Variants in PUS10 observed in about 807,000 individuals in gnomAD.
The protein encoded by PUS10 is tRNA pseudouridine synthase Pus10.
Under a neutral mutation model 75.0 loss-of-function variants are expected in PUS10, and 59 were observed. The ratio of observed to expected loss-of-function variants is 0.79; its 90% CI spans 0.64 to 0.98. PUS10 has a LOEUF of 0.98. Ranked by LOEUF, PUS10 falls within the 50% of genes least tolerant of loss-of-function variation. The pLI is 0.00. For missense variants in PUS10, 650 were observed against 614.4 expected, an observed-to-expected ratio of 1.06 and a Z score of -0.61; for synonymous variants, 219 against 211.6, an observed-to-expected ratio of 1.03 and a Z score of -0.30.
At chr2:60,988,739 G>A (rs1286126302) in intron 4 of PUS10, among the ~76,000 whole-genome samples, 1 of 151,974 alleles carries the variant, frequency 6.6e-6, no homozygotes, top group Non-Finnish European at 1.5e-5. Context: ...GGGTTCAGGT[G>A]ATTCTCCTGC....
chr2:60,956,974 CAAAAAAAA>C (rs56804354), intron 11 of PUS10, among the ~76,000 whole-genome samples: 13 of 19,248 alleles, frequency 6.8e-4, no homozygotes, highest in Non-Finnish European at 9.0e-4. Context: ...GACTCCATCT[CAAAAAAAA>C]AAAAAAAAAA....
chr2:60,960,883 C>T (rs1407720409), intron 10 of PUS10, among the ~76,000 whole-genome samples: 2 of 145,546 alleles, frequency 1.4e-5, no homozygotes, highest in East Asian at 2.0e-4. Flanking sequence ...CTTGCTTTTA[C>T]ACCTGATGAG....
In PUS10 at chr2:60,941,076, TAAAA is replaced by T. The variant is rs1674605719; in HGVS notation, c.*1315_*1318del. On this transcript the variant is annotated 3_prime_UTR_variant, in exon 18 of 18. Coordinates refer to ENST00000316752, the MANE Select transcript of PUS10 (RefSeq NM_144709.4). ...ATACTAGTCAAGTCACATGTATTCT[TAAAA>T]AAAGCTCAAATAGTTGAATTAGGGT... 1 of 152,274 alleles carries T rather than the reference TAAAA, an allele frequency of 6.6e-6. No homozygotes were observed. The highest frequency in any genetic ancestry group is 6.5e-5 in the Admixed American group (1 of 15,268). 9.4% of individuals were successfully genotyped at this position (152,274 alleles called of 1,614,324 possible).
intron 4 of PUS10, among the ~76,000 whole-genome samples, chr2:61,002,904 A>T (rs1349436468): frequency 6.6e-6 from 1 of 152,106 alleles, no homozygotes; most frequent in Non-Finnish European, 1.5e-5. Flanking sequence ...TACCGCCTTT[A>T]TTTATTCTAC....
intron 15 of PUS10, among the ~76,000 whole-genome samples, chr2:60,949,125 G>A (rs1334202937): frequency 6.6e-6 from 1 of 152,076 alleles, no homozygotes; most frequent in Non-Finnish European, 1.5e-5. Context: ...GTGAGTCAAT[G>A]GCTCCTCCTA....
intron 15 of PUS10, among the ~76,000 whole-genome samples, chr2:60,949,322 G>C (rs1675189164): frequency 6.6e-6 from 1 of 152,086 alleles, no homozygotes; most frequent in Non-Finnish European, 1.5e-5. Context: ...GAAACAGCAG[G>C]CCTTTAAATT....
intron 4 of PUS10, among the ~76,000 whole-genome samples, chr2:60,990,540 T>G (rs909163181): frequency 3.9e-5 from 6 of 152,096 alleles, no homozygotes; most frequent in African/African-American, 1.2e-4. Context: ...ACGAGAACAG[T>G]CCTTAAAGGT....
intron 15 of PUS10, among the ~76,000 whole-genome samples, chr2:60,950,697 G>A (rs1021648719): frequency 6.6e-6 from 1 of 152,190 alleles, no homozygotes; most frequent in African/African-American, 2.4e-5. Context: ...GGGATTACAG[G>A]TGTAAGCCAC....
chr2:60,973,129 C>G (rs932957012), intron 4 of PUS10, among the ~76,000 whole-genome samples: 1 of 152,222 alleles, frequency 6.6e-6, no homozygotes, highest in African/African-American at 2.4e-5. Flanking sequence ...AAGCCTCCGT[C>G]CCGGCCTCAA....
intron 4 of PUS10, among the ~76,000 whole-genome samples, chr2:60,993,205 C>A (rs116244493): frequency 1.3e-5 from 2 of 152,044 alleles, no homozygotes; most frequent in Non-Finnish European, 2.9e-5. Context: ...ACCTGTAATC[C>A]GAGGACTTTG....
In PUS10 at chr2:60,978,148, C is replaced by T. The variant is rs1333468227; in HGVS notation, c.469-6591G>A. ...ACTTACAATTCACAGGGCAGGCCGG[C>T]TTGGGGCTCCCGCCTATAATCCCAG... On this transcript the variant is annotated intron_variant, in intron 4 of 17. Coordinates refer to ENST00000316752, the MANE Select transcript of PUS10 (RefSeq NM_144709.4). 7.9e-5 allele frequency among the ~76,000 whole-genome samples: 12 copies of T among 151,906 alleles called. 1 individual carries two copies. The highest frequency in any genetic ancestry group is 7.9e-4 in the Admixed American group (12 of 15,258).
At chr2:61,010,579 C>A (rs531965704) in intron 2 of PUS10, 61 of 431,366 alleles carry the variant, frequency 1.4e-4, no homozygotes, top group Non-Finnish European at 2.1e-4. Flanking sequence ...CCCGCCTCGG[C>A]CTCCCAAAGT....
At chr2:60,977,472 C>A (rs1466006657) in intron 4 of PUS10, among the ~76,000 whole-genome samples, 1 of 152,134 alleles carries the variant, frequency 6.6e-6, no homozygotes, top group Non-Finnish European at 1.5e-5. Context: ...TACGTATAGG[C>A]CAAGACTCGC....
At chr2:60,968,616 A>G (rs1676482954) in intron 5 of PUS10, among the ~76,000 whole-genome samples, 2 of 151,638 alleles carry the variant, frequency 1.3e-5, no homozygotes, top group African/African-American at 4.8e-5. Context: ...GTTGATCAGA[A>G]AAAAAAAAGA....
At chr2:60,961,907 A>G (rs1676049614) in intron 9 of PUS10, among the ~76,000 whole-genome samples, 1 of 152,248 alleles carries the variant, frequency 6.6e-6, no homozygotes, top group Non-Finnish European at 1.5e-5. Context: ...TTTGCTGTCC[A>G]TGGTCATGTG....
At position 60,955,043 on chromosome 2, in the gene PUS10, A is replaced by G. The variant is rs749490317; in HGVS notation, c.1032T>C (p.Asp344=). The G allele has an allele frequency of 9.4e-6, 15 of 1,597,772 alleles. No homozygotes were observed. In the Admixed American group the frequency reaches 2.6e-4, roughly 27 times the overall value. The change falls in exon 12 of 18, where the codon GAT becomes GAC. Residue 344 remains aspartate (D), a synonymous_variant. Transcript: ENST00000316752. ...CATTTCCTAATGTTCTCACATCTAC[A>G]TCTTCTCTTCCAGAGGATGAAAAAT... ...SFNFSSSGRE[D]VDVRTLGNGR...
intron 16 of PUS10, 107 bp from the exon 17 acceptor site, chr2:60,945,215 GT>G: frequency 2.7e-6 from 2 of 729,170 alleles, no homozygotes; most frequent in Non-Finnish European, 4.8e-6. Flanking sequence ...CAAAAGAAAG[GT>G]TACTTCTGAG....
chr2:60,948,823 A>G (rs1675154549), intron 15 of PUS10, among the ~76,000 whole-genome samples: 2 of 152,146 alleles, frequency 1.3e-5, no homozygotes, highest in Admixed American at 1.3e-4. Flanking sequence ...ATTTTCTTTT[A>G]TGTCACAAGA....
At chr2:60,991,116 C>T (rs561520744) in intron 4 of PUS10, among the ~76,000 whole-genome samples, 3 of 152,226 alleles carry the variant, frequency 2.0e-5, no homozygotes, top group Non-Finnish European at 2.9e-5. Context: ...TGGGCTCAGG[C>T]AATCCTCCTG....
Sources: allele counts gnomAD v4.1 joint callset (sites outside exome capture counted in the v4.1 genomes callset), GRCh38; gene constraint gnomAD v4.1.1; transcripts MANE v1.5; gene names NCBI Gene and HGNC (gene_info 2026-07-23, HGNC 2026-07-21).